ITGB1: variants seen among roughly 807,000 people sequenced by gnomAD.
ITGB1 encodes integrin beta-1.
A neutral mutation model predicts 86.5 loss-of-function variants in ITGB1; 24 were observed. That is an observed-to-expected ratio of 0.28 (90% confidence interval 0.20 to 0.39). ITGB1 has a LOEUF of 0.39. Ranked by LOEUF, ITGB1 falls within the 10% of genes least tolerant of loss-of-function variation. The pLI is 1.00. For synonymous variants in ITGB1, 323 were observed against 316.8 expected (o/e 1.02, Z -0.21); for missense variants, 556 against 946.9 (o/e 0.59, Z 5.42).
Position 32,922,043 on chromosome 10 carries a change from T to C in ITGB1, c.1128+214A>G, listed in dbSNP as rs915152026. Among the ~76,000 whole-genome samples the C allele has an allele frequency of 1.1e-4, 16 of 152,352 alleles. 3 individuals are homozygous for C. Among genetic ancestry groups the C allele is most frequent in the Admixed American group, 9.8e-4 (15 of 15,308 alleles). On this transcript the variant is annotated intron_variant, in intron 9 of 15. Transcript: ENST00000302278. ...CAGTTATTTGGAAATACTCCCCACA[T>C]GCCTTTATCACATTTTCACTTTGTT... is the stretch of plus-strand genomic sequence containing the variant.
At chr10:32,937,199 G>C (rs189107934) in intron 1 of ITGB1, among the ~76,000 whole-genome samples, 1 of 152,214 alleles carries the variant, frequency 6.6e-6, no homozygotes, top group Admixed American at 6.5e-5. Context: ...CCAATAACAG[G>C]GAAATCTAAC....
chr10:32,945,045 T>C, intron 1 of ITGB1: 1 of 544,540 alleles, frequency 1.8e-6, no homozygotes, highest in Non-Finnish European at 3.4e-6. Context: ...AAACCTCCTA[T>C]TCCTTGAATT....
chr10:32,948,466 CA>C (rs2095036371), intron 1 of ITGB1, among the ~76,000 whole-genome samples: 2 of 152,076 alleles, frequency 1.3e-5, no homozygotes, highest in African/African-American at 4.8e-5. Flanking sequence ...ATACCTAATA[CA>C]AACAGAAATA....
At chr10:32,902,278 T>TA (rs2094883964) in intron 15 of ITGB1, among the ~76,000 whole-genome samples, 1 of 152,220 alleles carries the variant, frequency 6.6e-6, no homozygotes, top group Non-Finnish European at 1.5e-5. Context: ...TGCAGTGCTA[T>TA]AATTTAGTAA....
Position 32,934,976 on chromosome 10 carries a change from C to T in ITGB1, c.67+516G>A, listed in dbSNP as rs1322004088. 4.6e-5 allele frequency among the ~76,000 whole-genome samples: 7 copies of T among 152,256 alleles called. No homozygotes were observed. The South Asian group carries it at 1.5e-3, about 32-fold the overall frequency. ...TTTCAAGATTCAGAGGACAGAACTG[C>T]GTATCCATTATTCCAGATGTGGAGC... On this transcript the variant is annotated intron_variant, in intron 2 of 15. Transcript: ENST00000302278.
chr10:32,929,908 T>C lies in ITGB1; in HGVS notation c.290A>G (p.Asn97Ser), dbSNP rs755317981. The change falls in exon 4 of 16, where the codon AAC (asparagine) becomes AGC (serine). Residue 97 changes from asparagine (N) to serine (S), a missense_variant. Asn to Ser is a conservative substitution (Grantham distance 46, BLOSUM62 1). Transcript: ENST00000302278. ...CTTCTCTGCTGTTCCTTTGCTACGG[T>C]TGGTTACATTTTTATTTTTCTTTAT... ...KDIKKNKNVT[N>S]RSKGTAEKLK... The C allele has an allele frequency of 7.4e-6, 12 of 1,611,038 alleles. No homozygotes were observed. Among genetic ancestry groups the C allele is most frequent in the Admixed American group, 5.0e-5 (3 of 60,024 alleles).
Position 32,930,009 on chromosome 10 carries a change from T to A in ITGB1, c.189A>T (p.Arg63=). Residue 63 remains arginine, a synonymous_variant, in exon 4 of 16, where the codon CGA becomes CGT. Coordinates refer to ENST00000302278, the MANE Select transcript of ITGB1 (RefSeq NM_002211.4). The stretch of plus-strand genomic sequence containing the variant: ...TTTTTAAGGCTTCTAAATCATCACA[T>A]CGTGCAGAAGTAGGCATTCCTTCCT... ...FLQEGMPTSA[R]CDDLEALKKK... The A allele has an allele frequency of 2.1e-6, 2 of 951,254 alleles. No individual in the cohort carries two copies. The highest frequency in any genetic ancestry group is 1.3e-5 in the South Asian group (1 of 78,058). The allele number at this position is 951,254 out of a possible 1,614,324, so 58.9% of individuals were successfully genotyped here.
intron 1 of ITGB1, among the ~76,000 whole-genome samples, chr10:32,947,775 G>A (rs1332797731): frequency 1.3e-5 from 2 of 152,186 alleles, no homozygotes; most frequent in Non-Finnish European, 2.9e-5. Context: ...GTGTAGTGCA[G>A]AGTTACACTG....
chr10:32,920,181 C>T (rs748314340), intron 10 of ITGB1, 64 bp downstream of exon 10: 1 of 1,576,710 alleles, frequency 6.3e-7, no homozygotes, highest in East Asian at 2.2e-5. Flanking sequence ...GTTTCTCAAA[C>T]TATAAACTAA....
chr10:32,956,409 A>C (rs534435665), intron 1 of ITGB1, among the ~76,000 whole-genome samples: 4,292 of 149,764 alleles, frequency 0.029, 214 homozygotes, highest in African/African-American at 0.099. Context: ...AAAAAAAAAA[A>C]AATAAAAAAA....
intron 6 of ITGB1, among the ~76,000 whole-genome samples, chr10:32,925,026 G>A (rs1261989335): frequency 6.6e-6 from 1 of 151,884 alleles, no homozygotes; most frequent in Non-Finnish European, 1.5e-5. Context: ...TATTATTTTG[G>A]GCATCAATTA....
chr10:32,951,607 G>C (rs540911204), intron 1 of ITGB1: 1 of 152,234 alleles, frequency 6.6e-6, no homozygotes, highest in East Asian at 1.9e-4. Flanking sequence ...TCCAAAATGA[G>C]CAAAAAACCT....
chr10:32,916,418 C>A (rs2094931734), intron 11 of ITGB1, among the ~76,000 whole-genome samples: 1 of 152,194 alleles, frequency 6.6e-6, no homozygotes, highest in South Asian at 2.1e-4. Context: ...TTGCAGATGA[C>A]ATGATTGTAT....
chr10:32,944,866 T>G, intron 1 of ITGB1: 1 of 1,307,236 alleles, frequency 7.6e-7, no homozygotes, highest in Non-Finnish European at 1.1e-6. Flanking sequence ...TCATTCAGCA[T>G]GAGGATGATA....
chr10:32,926,196 T>C (rs886153376), intron 5 of ITGB1, 87 bp from the exon 6 acceptor site: 2 of 990,148 alleles, frequency 2.0e-6, no homozygotes, highest in African/African-American at 1.6e-5. Flanking sequence ...AATTCATCTA[T>C]GTTACCAAAT....
chr10:32,954,047 C>T (rs941964148), intron 1 of ITGB1, among the ~76,000 whole-genome samples: 2 of 152,156 alleles, frequency 1.3e-5, no homozygotes, highest in South Asian at 2.1e-4. Context: ...CCGTTTTTCA[C>T]TCCACACCCT....
In ITGB1 at chr10:32,920,405, T is replaced by C. The variant is rs750602102; in HGVS notation, c.1129-20A>G. The stretch of plus-strand genomic sequence containing the variant: ...AAGGGACTAAAAGAATGCCTAATTA[T>C]ACACAGGAAAAGTCAAACAAAATGC... On this transcript the variant is annotated intron_variant, in intron 9 of 15. Transcript: ENST00000302278. 1 of 1,610,184 alleles carries C rather than the reference T, an allele frequency of 6.2e-7. No homozygotes were observed. Among genetic ancestry groups the C allele is most frequent in the Admixed American group, 1.7e-5 (1 of 59,486 alleles).
At chr10:32,925,026 G>C (rs1261989335) in intron 6 of ITGB1, among the ~76,000 whole-genome samples, 1 of 151,884 alleles carries the variant, frequency 6.6e-6, no homozygotes, top group South Asian at 2.1e-4. Context: ...TATTATTTTG[G>C]GCATCAATTA....
At chr10:32,937,510 C>G (rs1034924521) in intron 1 of ITGB1, among the ~76,000 whole-genome samples, 2 of 143,804 alleles carry the variant, frequency 1.4e-5, no homozygotes, top group East Asian at 2.1e-4. Context: ...GAGCCAAGAT[C>G]GCGCCACTGT....
Sources: gnomAD v4.1 joint callset for allele counts (sites outside exome capture counted in the v4.1 genomes callset) on GRCh38, gnomAD v4.1.1 for gene constraint, MANE v1.5 for transcripts, NCBI Gene and HGNC (gene_info 2026-07-23, HGNC 2026-07-21) for gene names.